The following REV1 variants were observed in gnomAD, a reference collection of about 807,000 sequenced individuals.
REV1 encodes the protein REV1 DNA directed polymerase.
In REV1, 42 loss-of-function variants were observed where a neutral mutation model predicts 137.4. The ratio of observed to expected loss-of-function variants is 0.31; its 90% CI spans 0.24 to 0.40. REV1 has a LOEUF of 0.40. Among genes scored for constraint, REV1 ranks in the 10% least tolerant of loss-of-function variants. The pLI is 1.00. For missense variants in REV1, 1,282 were observed against 1,490.1 expected (o/e 0.86, Z 2.30); for synonymous variants, 524 against 519.2 (o/e 1.01, Z -0.12).
At chr2:99,451,570 C>G in intron 3 of REV1, 1 of 1,024,108 alleles carries the variant, frequency 9.8e-7, no homozygotes, top group Non-Finnish European at 1.4e-6. Flanking sequence ...AGCTTTCACA[C>G]TCCTGAGTTG....
intron 4 of REV1, among the ~76,000 whole-genome samples, chr2:99,444,225 C>T (rs1295998449): frequency 2.0e-5 from 3 of 152,208 alleles, no homozygotes; most frequent in African/African-American, 7.2e-5. Context: ...AGAAGTACAG[C>T]TACTTAATAC....
At chr2:99,445,112 C>T (rs966268998) in intron 4 of REV1, among the ~76,000 whole-genome samples, 6 of 143,582 alleles carry the variant, frequency 4.2e-5, no homozygotes, top group South Asian at 2.2e-4. Context: ...CTTTGTCCTA[C>T]AGCCTCTGCG....
rs1679900247 is a variant in REV1, at chr2:99,429,912, T to C, written c.1475A>G (p.Asp492Gly). ...ATCAATTCCATTTGCTTGCGCAGAA[T>C]CTGGATTCTCCCACAATGATGAATC... ...IPDSSLWENPDSAQANGIDSV... is the reference protein window; with the variant it reads ...IPDSSLWENPGSAQANGIDSV... Residue 492 changes from aspartate (D) to glycine (G), a missense_variant, in exon 9 of 23, where the codon GAT (aspartate) becomes GGT (glycine). Asp to Gly is a moderately conservative substitution (Grantham distance 94). Coordinates refer to ENST00000258428, the MANE Select transcript of REV1 (RefSeq NM_016316.4). The C allele has an allele frequency of 6.2e-7, 1 of 1,602,308 alleles. No individual in the cohort carries two copies. The highest frequency in any genetic ancestry group is 1.3e-5 in the African/African-American group (1 of 74,506).
intron 8 of REV1, among the ~76,000 whole-genome samples, chr2:99,432,380 C>T (rs1310156411): frequency 6.6e-6 from 1 of 151,856 alleles, no homozygotes; most frequent in African/African-American, 2.4e-5. Flanking sequence ...ATTCCTAAAC[C>T]GATCCTCAAT....
At chr2:99,423,177 C>A (rs1276958439) in intron 10 of REV1, among the ~76,000 whole-genome samples, 1 of 152,182 alleles carries the variant, frequency 6.6e-6, no homozygotes, top group Non-Finnish European at 1.5e-5. Flanking sequence ...AGCAAGCTCC[C>A]ACAAGGGCAA....
chr2:99,452,001 C>T (rs778142341), intron 3 of REV1, among the ~76,000 whole-genome samples: 1 of 151,680 alleles, frequency 6.6e-6, no homozygotes, highest in Non-Finnish European at 1.5e-5. Context: ...GGTTCTATTT[C>T]TTCAATACTA....
chr2:99,414,629 C>G (rs796472375), intron 12 of REV1, among the ~76,000 whole-genome samples: 2 of 150,618 alleles, frequency 1.3e-5, no homozygotes, highest in African/African-American at 4.9e-5. Context: ...TTAAGAAAGA[C>G]TTTTTTCTTC....
chr2:99,449,954 A>G (rs925993029), intron 3 of REV1, among the ~76,000 whole-genome samples: 22 of 152,206 alleles, frequency 1.4e-4, no homozygotes, highest in Non-Finnish European at 1.6e-4. Context: ...ATAGTTACTC[A>G]TATTTACTAA....
chr2:99,471,138 AAC>A (rs3071397), intron 1 of REV1, among the ~76,000 whole-genome samples: 63,698 of 151,982 alleles, frequency 0.42, 13,598 homozygotes, highest in Admixed American at 0.57. Flanking sequence ...GCAAGGTTGA[AAC>A]ACAATTTGCC....
chr2:99,463,391 T>C (rs538393835), intron 2 of REV1, among the ~76,000 whole-genome samples: 1 of 151,868 alleles, frequency 6.6e-6, no homozygotes, highest in East Asian at 2.0e-4. Context: ...TGGTGGTGCA[T>C]GCCTGTAATC....
intron 1 of REV1, among the ~76,000 whole-genome samples, 167 bp from the exon 2 acceptor site, chr2:99,465,152 A>G (rs1185285711): frequency 6.6e-6 from 1 of 151,946 alleles, no homozygotes; most frequent in African/African-American, 2.4e-5. Flanking sequence ...CTCCAGCTTT[A>G]CAAGTGAAAT....
chr2:99,408,021 A>G lies in REV1; in HGVS notation c.2448+8T>C, dbSNP rs1559288129. 6.7e-7 allele frequency: 1 copy of G among 1,492,478 alleles called. No homozygotes were observed. 92.5% of individuals were successfully genotyped at this position (1,492,478 alleles called of 1,614,324 possible). Reference sequence around the variant, plus strand: ...AAGTCAGAATTTACAATGTTACTATATACTTACCCCTCTCATATCTGATAT... The same window carrying G: ...AAGTCAGAATTTACAATGTTACTATGTACTTACCCCTCTCATATCTGATAT... On this transcript the variant is annotated splice_region_variant and intron_variant, in intron 15 of 22. Transcript: ENST00000258428.
Position 99,438,947 on chromosome 2 carries a change from C to T in REV1, c.867G>A (p.Leu289=). 6.2e-7 allele frequency: 1 copy of T among 1,614,202 alleles called. No homozygotes were observed. The highest frequency in any genetic ancestry group is 8.5e-7 in the Non-Finnish European group (1 of 1,180,028). Reference sequence around the variant, plus strand: ...AAGAATTAGTTCTGTGTGGATTCCGCAAAGCATCTGTGTTTCTGGTGCTTT... The same window carrying T: ...AAGAATTAGTTCTGTGTGGATTCCGTAAAGCATCTGTGTTTCTGGTGCTTT... ...LQQSTRNTDA[L]RNPHRTNSFS... Residue 289 remains leucine (L), a synonymous_variant, in exon 6 of 23, where the codon TTG becomes TTA. Transcript: ENST00000258428.
intron 14 of REV1, among the ~76,000 whole-genome samples, chr2:99,409,245 CTAATTG>C (rs796329824): frequency 1.6e-4 from 25 of 152,318 alleles, no homozygotes; most frequent in African/African-American, 6.0e-4. Flanking sequence ...ATTATGTTCT[CTAATTG>C]TAATTTATAA....
intron 12 of REV1, among the ~76,000 whole-genome samples, chr2:99,418,555 T>C (rs988370940): frequency 1.3e-5 from 2 of 152,220 alleles, no homozygotes; most frequent in Non-Finnish European, 2.9e-5. Context: ...ATCCTCCCTT[T>C]TAACATTGTT....
intron 1 of REV1, among the ~76,000 whole-genome samples, chr2:99,465,947 TATTA>T (rs1684750927): frequency 6.6e-6 from 1 of 152,120 alleles, no homozygotes; most frequent in Admixed American, 6.6e-5. Context: ...TTTATTTATT[TATTA>T]TTTTTTTTGA....
intron 13 of REV1, among the ~76,000 whole-genome samples, chr2:99,411,204 C>T (rs1677090271): frequency 2.0e-5 from 3 of 152,028 alleles, no homozygotes; most frequent in Admixed American, 2.0e-4. Context: ...AGGAGAATCG[C>T]TTGAACCCAG....
intron 12 of REV1, among the ~76,000 whole-genome samples, chr2:99,414,019 G>T (rs1431700946): frequency 6.6e-6 from 1 of 152,174 alleles, no homozygotes; most frequent in Non-Finnish European, 1.5e-5. Context: ...GCTGGGTGTG[G>T]TGGTGCGCTC....
intron 4 of REV1, among the ~76,000 whole-genome samples, chr2:99,443,250 TTAATA>T (rs1379835947): frequency 6.6e-6 from 1 of 152,168 alleles, no homozygotes; most frequent in Non-Finnish European, 1.5e-5. Flanking sequence ...ACAAGCTACT[TTAATA>T]TTAGAAAATA....
Sources: gnomAD v4.1 joint callset for allele counts (sites outside exome capture counted in the v4.1 genomes callset) on GRCh38, gnomAD v4.1.1 for gene constraint, MANE v1.5 for transcripts, NCBI Gene and HGNC (gene_info 2026-07-23, HGNC 2026-07-21) for gene names.